The following NAALADL2 variants were observed in gnomAD, a reference collection of about 807,000 sequenced individuals.
NAALADL2 encodes the protein N-acetylated alpha-linked acidic dipeptidase like 2.
In NAALADL2, 76 loss-of-function variants were observed where a neutral mutation model predicts 87.2. The observed-to-expected ratio is 0.87, with a 90% confidence interval of 0.72 to 1.05. The LOEUF (loss-of-function observed/expected upper bound fraction) is 1.05, where lower values mean the gene tolerates loss of function less well. Ranked by LOEUF, NAALADL2 falls within the 50% of genes least tolerant of loss-of-function variation. The probability of loss-of-function intolerance (pLI) is 0.00; values close to 1 mark genes in which losing one functional copy is unlikely to be tolerated. For missense variants in NAALADL2, 1,089 were observed against 945.8 expected, an observed-to-expected ratio of 1.15 and a Z score of -1.99; for synonymous variants, 354 against 331.0, an observed-to-expected ratio of 1.07 and a Z score of -0.75.
chr3:175,327,381 T>A (rs1403332101), intron 5 of NAALADL2, among the ~76,000 whole-genome samples: 1 of 152,142 alleles, frequency 6.6e-6, no homozygotes, highest in East Asian at 1.9e-4. Flanking sequence ...AGTCTCGATC[T>A]CTTGACCTCG....
intron 2 of NAALADL2, among the ~76,000 whole-genome samples, chr3:174,605,059 A>G (rs373412238): frequency 1.3e-5 from 2 of 152,254 alleles, no homozygotes; most frequent in East Asian, 1.9e-4. Context: ...GGCTCATTGT[A>G]TGTTTTTTGG....
At chr3:175,566,612 C>T (rs1194896246) in intron 9 of NAALADL2, among the ~76,000 whole-genome samples, 1 of 56,076 alleles carries the variant, frequency 1.8e-5, no homozygotes, top group Non-Finnish European at 3.7e-5. Flanking sequence ...CCAGATTTCT[C>T]ACAGTCCTTC....
chr3:175,523,526 G>A (rs745907556), intron 9 of NAALADL2, among the ~76,000 whole-genome samples: 30 of 152,138 alleles, frequency 2.0e-4, no homozygotes, highest in Non-Finnish European at 2.6e-4. Context: ...TTTTGGTGCC[G>A]CAAAAGAAAT....
At chr3:175,690,692 A>G (rs1287681831) in intron 11 of NAALADL2, among the ~76,000 whole-genome samples, 1 of 152,010 alleles carries the variant, frequency 6.6e-6, no homozygotes, top group Non-Finnish European at 1.5e-5. Context: ...GTGTTTAGGA[A>G]CCTTTAGAAT....
chr3:175,684,348 T>C (rs1438695738), intron 11 of NAALADL2, among the ~76,000 whole-genome samples: 2 of 152,184 alleles, frequency 1.3e-5, no homozygotes, highest in Admixed American at 6.5e-5. Flanking sequence ...AATAATACCC[T>C]TCACAATACA....
At chr3:175,425,526 A>T (rs1990844) in intron 5 of NAALADL2, among the ~76,000 whole-genome samples, 12,907 of 152,094 alleles carry the variant, frequency 0.085, 1,381 homozygotes, top group African/African-American at 0.24. Context: ...ATAAATTTAG[A>T]TGTATTTTTT....
chr3:174,668,577 C>G (rs938290217), intron 2 of NAALADL2, among the ~76,000 whole-genome samples: 11 of 152,248 alleles, frequency 7.2e-5, no homozygotes, highest in South Asian at 4.1e-4. Flanking sequence ...CCCTCTCCCC[C>G]CACCCCGCAA....
At chr3:175,475,182 T>C (rs1725510984) in intron 9 of NAALADL2, among the ~76,000 whole-genome samples, 3 of 152,018 alleles carry the variant, frequency 2.0e-5, no homozygotes, top group Admixed American at 2.0e-4. Flanking sequence ...AAGAGATCCT[T>C]GCTAAGACCT....
intron 6 of NAALADL2, among the ~76,000 whole-genome samples, chr3:175,458,326 C>A (rs1473775452): frequency 6.6e-6 from 1 of 151,324 alleles, no homozygotes; most frequent in Non-Finnish European, 1.5e-5. Context: ...AAAAATATAT[C>A]TATACACTCA....
At chr3:174,811,513 C>G (rs140623948) in intron 3 of NAALADL2, among the ~76,000 whole-genome samples, 1 of 152,168 alleles carries the variant, frequency 6.6e-6, no homozygotes, top group East Asian at 1.9e-4. Context: ...CAACCCTTAA[C>G]TTGTGGCTGA....
At position 174,509,628 on chromosome 3, in the gene NAALADL2, A is replaced by G. The variant is rs1719467956; in HGVS notation, c.-183-40941A>G. The stretch of plus-strand genomic sequence containing the variant: ...TTTTTAGTAGAGACGGGGTTTCACC[A>G]TGTTGGCTAGGATGGTCTTGATCTC... On this transcript the variant is annotated intron_variant, in intron 1 of 3. Coordinates refer to the NAALADL2 transcript ENST00000434257. Among the ~76,000 whole-genome samples the G allele has an allele frequency of 3.5e-5, 4 of 113,810 alleles. No individual in the cohort carries two copies. In the Admixed American group the frequency reaches 5.1e-4, roughly 15 times the overall value. 74.7% of individuals were successfully genotyped at this position (113,810 alleles called of 152,430 possible).
At chr3:175,240,898 T>A (rs1746749608) in intron 3 of NAALADL2, among the ~76,000 whole-genome samples, 1 of 152,094 alleles carries the variant, frequency 6.6e-6, no homozygotes, top group Non-Finnish European at 1.5e-5. Context: ...CGACCTCAGG[T>A]GATCCACCTG....
chr3:175,338,277 C>A (rs930492687), intron 5 of NAALADL2, among the ~76,000 whole-genome samples: 2 of 152,026 alleles, frequency 1.3e-5, no homozygotes, highest in African/African-American at 4.8e-5. Context: ...AGAATCTGAT[C>A]CATTTTAAGC....
At chr3:175,280,813 G>A (rs571616994) in intron 4 of NAALADL2, among the ~76,000 whole-genome samples, 2 of 152,080 alleles carry the variant, frequency 1.3e-5, no homozygotes, top group South Asian at 2.1e-4. Flanking sequence ...TCCAAACAGG[G>A]AGTTTTGAAT....
intron 1 of NAALADL2, among the ~76,000 whole-genome samples, chr3:174,977,388 G>A (rs960457605): frequency 6.6e-6 from 1 of 152,116 alleles, no homozygotes; most frequent in Admixed American, 6.6e-5. Flanking sequence ...GCCTCCCAAA[G>A]TACTGCGATT....
upstream of NAALADL2, among the ~76,000 whole-genome samples, chr3:174,857,714 G>A (rs1242372584): frequency 6.6e-6 from 1 of 152,004 alleles, no homozygotes; most frequent in Non-Finnish European, 1.5e-5. Flanking sequence ...ATAGGCAAAG[G>A]GTTATTCTAT....
chr3:175,200,281 C>T (rs1384741498), intron 2 of NAALADL2, among the ~76,000 whole-genome samples: 2 of 152,054 alleles, frequency 1.3e-5, no homozygotes, highest in Admixed American at 6.6e-5. Context: ...GTTCCTAACT[C>T]AATTTAGAAC....
At chr3:175,458,166 T>C (rs1373346564) in intron 6 of NAALADL2, among the ~76,000 whole-genome samples, 2 of 152,060 alleles carry the variant, frequency 1.3e-5, no homozygotes, top group Non-Finnish European at 2.9e-5. Flanking sequence ...TTCTCCAGAC[T>C]CTAGGTCCTT....
At chr3:174,838,658 A>G (rs1723649039) in intron 3 of NAALADL2, among the ~76,000 whole-genome samples, 1 of 152,218 alleles carries the variant, frequency 6.6e-6, no homozygotes. Flanking sequence ...TTCAGATACA[A>G]AATTAATGTT....
Sources: allele counts gnomAD v4.1 joint callset (sites outside exome capture counted in the v4.1 genomes callset), GRCh38; gene constraint gnomAD v4.1.1; transcripts MANE v1.5; gene names NCBI Gene and HGNC (gene_info 2026-07-23, HGNC 2026-07-21).